The following ASH1L variants were observed in gnomAD, a reference collection of about 807,000 sequenced individuals.
The protein encoded by ASH1L is histone-lysine N-methyltransferase ASH1L.
Under a neutral mutation model 269.0 loss-of-function variants are expected in ASH1L, and 23 were observed. The observed-to-expected ratio is 0.09, with a 90% CI of 0.06 to 0.12. The LOEUF (loss-of-function observed/expected upper bound fraction) is 0.12, where lower values mean the gene tolerates loss of function less well. Ranked by LOEUF, ASH1L falls within the 10% of genes least tolerant of loss-of-function variation. ASH1L has a pLI of 1.00. For synonymous variants in ASH1L, 1,187 were observed against 1,253.5 expected, an observed-to-expected ratio of 0.95 and a Z score of 1.12; for missense variants, 2,912 against 3,567.8, an observed-to-expected ratio of 0.82 and a Z score of 4.68.
At chr1:155,382,838 A>G (rs1558050144) in intron 7 of ASH1L, among the ~76,000 whole-genome samples, 1 of 151,410 alleles carries the variant, frequency 6.6e-6, no homozygotes, top group African/African-American at 2.4e-5. Context: ...CGATCCTCTC[A>G]CTTCTACCTG....
chr1:155,382,728 C>T (rs903379735), intron 7 of ASH1L, among the ~76,000 whole-genome samples: 1 of 151,534 alleles, frequency 6.6e-6, no homozygotes, highest in African/African-American at 2.4e-5. Flanking sequence ...TGTGTCTTAG[C>T]TCTTTTTTTT....
At chr1:155,433,464 C>A in intron 5 of ASH1L, 1 of 1,610,640 alleles carries the variant, frequency 6.2e-7, no homozygotes, top group East Asian at 2.2e-5. Context: ...ACCTCTCAGC[C>A]TGAGGGCGAA....
At chr1:155,486,701 CCATT>C (rs1390277983) in intron 2 of ASH1L, among the ~76,000 whole-genome samples, 2 of 151,964 alleles carry the variant, frequency 1.3e-5, no homozygotes, top group African/African-American at 2.4e-5. Context: ...AAAACAATTC[CCATT>C]CATTACTTTT....
At chr1:155,524,839 C>T (rs1329633539) in intron 1 of ASH1L, among the ~76,000 whole-genome samples, 1 of 150,468 alleles carries the variant, frequency 6.6e-6, no homozygotes, top group Non-Finnish European at 1.5e-5. Flanking sequence ...GACCCTGTCT[C>T]AAAAAAACAA....
chr1:155,411,357 C>T (rs1306565876), intron 6 of ASH1L, among the ~76,000 whole-genome samples: 1 of 151,366 alleles, frequency 6.6e-6, no homozygotes, highest in African/African-American at 2.4e-5. Flanking sequence ...CTAGTTCTAA[C>T]ATACATAAAG....
At chr1:155,407,671 A>G (rs1004638138) in intron 6 of ASH1L, among the ~76,000 whole-genome samples, 3 of 152,198 alleles carry the variant, frequency 2.0e-5, no homozygotes, top group African/African-American at 7.2e-5. Flanking sequence ...CCAAATGTTC[A>G]TTAACTGATG....
chr1:155,429,831 G>A (rs576710369), intron 5 of ASH1L, among the ~76,000 whole-genome samples: 21 of 152,074 alleles, frequency 1.4e-4, no homozygotes, highest in African/African-American at 3.6e-4. Flanking sequence ...ACAGGTTCTC[G>A]CTTTGTCACC....
Position 155,562,758 on chromosome 1 carries a change from G to A in ASH1L, c.-705C>T. The A allele has an allele frequency of 2.8e-6, 3 of 1,068,154 alleles. No homozygotes were observed. The highest frequency in any genetic ancestry group is 4.1e-6 in the Non-Finnish European group (3 of 730,584). 66.2% of individuals were successfully genotyped at this position (1,068,154 alleles called of 1,614,324 possible). On this transcript the variant is annotated 5_prime_UTR_variant, in exon 1 of 28. Coordinates refer to ENST00000392403, the MANE Select transcript of ASH1L (RefSeq NM_018489.3). ...CCTCAGGCCCTGTCAAGCCGGCGCC[G>A]GCGCAGGCCCTCACGCGTACCTTCA...
chr1:155,414,331 A>G (rs1263932086), intron 6 of ASH1L, among the ~76,000 whole-genome samples: 1 of 151,600 alleles, frequency 6.6e-6, no homozygotes, highest in African/African-American at 2.4e-5. Flanking sequence ...TTTTTTTGAG[A>G]TGGAGTTTCG....
chr1:155,483,105 A>T (rs1666068720), intron 2 of ASH1L, among the ~76,000 whole-genome samples: 1 of 152,194 alleles, frequency 6.6e-6, no homozygotes, highest in Admixed American at 6.5e-5. Flanking sequence ...CTAATTCATG[A>T]ATCCTCACTA....
intron 7 of ASH1L, among the ~76,000 whole-genome samples, chr1:155,387,310 T>C (rs1010119164): frequency 7.9e-5 from 12 of 152,194 alleles, no homozygotes; most frequent in South Asian, 2.1e-4. Flanking sequence ...TGTTTTTGTA[T>C]ATGCTGTAAG....
intron 1 of ASH1L, among the ~76,000 whole-genome samples, chr1:155,555,975 A>T (rs1240565999): frequency 6.6e-6 from 1 of 152,226 alleles, no homozygotes; most frequent in Non-Finnish European, 1.5e-5. Context: ...GGGCTGGTAG[A>T]TGTGGAAACA....
chr1:155,452,082 A>G (rs910784742), intron 4 of ASH1L, among the ~76,000 whole-genome samples: 2 of 146,694 alleles, frequency 1.4e-5, no homozygotes, highest in Non-Finnish European at 3.0e-5. Flanking sequence ...TCTGTCACCC[A>G]GGCTAGAATG....
At chr1:155,496,006 A>AAAAT (rs1558166402) in intron 2 of ASH1L, among the ~76,000 whole-genome samples, 1 of 152,240 alleles carries the variant, frequency 6.6e-6, no homozygotes, top group Admixed American at 6.5e-5. Flanking sequence ...CAATTAAAAA[A>AAAAT]AAATAAATAA....
intron 3 of ASH1L, among the ~76,000 whole-genome samples, chr1:155,465,289 C>CAAAAAAAAAAAAAAAAAAAAAAAAA (rs1171228344): frequency 1.6e-5 from 1 of 62,576 alleles, no homozygotes; most frequent in Non-Finnish European, 3.1e-5. Flanking sequence ...TACAAATTAG[C>CAAAAAAAAAAAAAAAAAAAAAAAAA]AAAAAAAAAA....
Position 155,370,984 on chromosome 1 carries a change from C to T in ASH1L, c.6333-1G>A. ...GGGGGAACACTCAGCAAAGATCATT[C>T]TAGAAAAAAAAGGAATAACTGTACA... On this transcript the variant is annotated splice_acceptor_variant, in intron 10 of 27. Coordinates refer to ENST00000392403, the MANE Select transcript of ASH1L (RefSeq NM_018489.3). LOFTEE classifies it high-confidence loss of function. 3 of 1,607,612 alleles carry T rather than the reference C, an allele frequency of 1.9e-6. No homozygotes were observed. Among genetic ancestry groups the T allele is most frequent in the Non-Finnish European group, 2.5e-6 (3 of 1,178,108 alleles).
intron 3 of ASH1L, among the ~76,000 whole-genome samples, chr1:155,466,398 T>C (rs1664704143): frequency 6.6e-6 from 1 of 152,082 alleles, no homozygotes; most frequent in African/African-American, 2.4e-5. Flanking sequence ...TCTGTTTTTT[T>C]CTCTAACTAG....
intron 1 of ASH1L, among the ~76,000 whole-genome samples, chr1:155,544,667 T>C (rs1456251892): frequency 6.6e-6 from 1 of 152,086 alleles, no homozygotes; most frequent in East Asian, 1.9e-4. Flanking sequence ...TAAAGCAGTA[T>C]ATATCTGTAG....
intron 3 of ASH1L, among the ~76,000 whole-genome samples, chr1:155,465,497 A>G (rs1257589520): frequency 6.6e-6 from 1 of 152,180 alleles, no homozygotes; most frequent in Non-Finnish European, 1.5e-5. Flanking sequence ...AATGCTAGAA[A>G]TATCTTTGGG....
Sources: gnomAD v4.1 joint callset for allele counts (sites outside exome capture counted in the v4.1 genomes callset) on GRCh38, gnomAD v4.1.1 for gene constraint, MANE v1.5 for transcripts, NCBI Gene and HGNC (gene_info 2026-07-23, HGNC 2026-07-21) for gene names.